Variants in TNFAIP8L3 observed in about 807,000 individuals in gnomAD.
TNFAIP8L3 encodes the protein TNF alpha induced protein 8 like 3.
TNFAIP8L3 carries 7 observed loss-of-function variants against 11.8 expected under a neutral mutation model. The observed-to-expected ratio is 0.59, with a 90% CI of 0.34 to 1.11. The LOEUF is 1.11. Among genes scored for constraint, TNFAIP8L3 ranks in the 50% most tolerant of loss-of-function variants. The pLI is 0.03. For missense variants in TNFAIP8L3, 219 were observed against 258.6 expected, an observed-to-expected ratio of 0.85 and a Z score of 1.05; for synonymous variants, 98 against 103.8, an observed-to-expected ratio of 0.94 and a Z score of 0.34.
At chr15:51,091,399 C>T (rs979486220) in intron 1 of TNFAIP8L3, among the ~76,000 whole-genome samples, 1 of 152,152 alleles carries the variant, frequency 6.6e-6, no homozygotes, top group Middle Eastern at 3.2e-3. Context: ...ATGATGGTTC[C>T]TGCCACCTTG....
At chr15:51,096,118 G>C (rs560689655), upstream of TNFAIP8L3, among the ~76,000 whole-genome samples, 1 of 152,324 alleles carries the variant, frequency 6.6e-6, no homozygotes, top group Admixed American at 6.5e-5. Flanking sequence ...AGGTCGTCCA[G>C]TAGGTGGGTG....
intron 1 of TNFAIP8L3, among the ~76,000 whole-genome samples, chr15:51,062,550 A>G (rs1274253777): frequency 6.6e-6 from 1 of 152,178 alleles, no homozygotes; most frequent in Non-Finnish European, 1.5e-5. Context: ...AACTCTGTAC[A>G]TGTTGTGGAA....
Position 51,066,539 on chromosome 15 carries a change from C to T in TNFAIP8L3, c.53-8096G>A, listed in dbSNP as rs534359350. Reference sequence around the variant, plus strand: ...CCAGAAAAGCTGACTGAACCTGTCACGTCTCTCATGCTCCATCTTTCACTA... The same window carrying T: ...CCAGAAAAGCTGACTGAACCTGTCATGTCTCTCATGCTCCATCTTTCACTA... On this transcript the variant is annotated intron_variant, in intron 1 of 1. Coordinates refer to ENST00000637513, the MANE Select transcript of TNFAIP8L3 (RefSeq NM_001311175.2). Among the ~76,000 whole-genome samples, 7 of 152,294 alleles carry T rather than the reference C, an allele frequency of 4.6e-5. No homozygotes were observed. In the East Asian group the frequency reaches 7.7e-4, roughly 17 times the overall value.
chr15:51,071,047 T>A (rs1181374575), intron 1 of TNFAIP8L3, among the ~76,000 whole-genome samples: 1 of 65,728 alleles, frequency 1.5e-5, no homozygotes, highest in Non-Finnish European at 3.1e-5. Context: ...CGAGACTCCG[T>A]CTCAAAAAAA....
chr15:51,082,946 A>G (rs1862547457), intron 1 of TNFAIP8L3, among the ~76,000 whole-genome samples: 1 of 152,216 alleles, frequency 6.6e-6, no homozygotes, highest in South Asian at 2.1e-4. Flanking sequence ...AGGATAAATC[A>G]TTTTTCATAA....
intron 1 of TNFAIP8L3, among the ~76,000 whole-genome samples, chr15:51,090,316 T>C (rs2065458981): frequency 6.6e-6 from 1 of 152,224 alleles, no homozygotes; most frequent in Admixed American, 6.5e-5. Context: ...CTTGCCTTAG[T>C]GCCACTACCT....
chr15:51,087,504 CT>C (rs1431094030), intron 1 of TNFAIP8L3, among the ~76,000 whole-genome samples: 1 of 152,188 alleles, frequency 6.6e-6, no homozygotes, highest in Non-Finnish European at 1.5e-5. Flanking sequence ...CTCCATGAAG[CT>C]ACGTATGGCT....
intron 1 of TNFAIP8L3, among the ~76,000 whole-genome samples, chr15:51,076,821 T>G (rs2065353932): frequency 6.6e-6 from 1 of 152,202 alleles, no homozygotes; most frequent in Non-Finnish European, 1.5e-5. Context: ...CTGGGTCTGT[T>G]AAATGAGAAA....
intron 1 of TNFAIP8L3, among the ~76,000 whole-genome samples, chr15:51,072,802 A>G (rs1025645562): frequency 6.6e-6 from 1 of 152,060 alleles, no homozygotes; most frequent in Non-Finnish European, 1.5e-5. Context: ...TTTCAGTACA[A>G]AAACCAAGTT....
In TNFAIP8L3 at chr15:51,084,091, C is replaced by T. The variant is rs190131843; in HGVS notation, c.52+10453G>A. Among the ~76,000 whole-genome samples the T allele has an allele frequency of 2.3e-3, 345 of 152,228 alleles. 5 individuals are homozygous for T. Among genetic ancestry groups the T allele is most frequent in the African/African-American group, 7.8e-3 (324 of 41,538 alleles). On this transcript the variant is annotated intron_variant, in intron 1 of 1. Coordinates refer to ENST00000637513, the MANE Select transcript of TNFAIP8L3 (RefSeq NM_001311175.2). ...TCATCACAGAGTGGTTTATTTTGCT[C>T]GAGCATTAACAAAAAATCTCAAGTG...
At chr15:51,090,603 G>A (rs1002449877) in intron 1 of TNFAIP8L3, among the ~76,000 whole-genome samples, 1 of 152,154 alleles carries the variant, frequency 6.6e-6, no homozygotes, top group African/African-American at 2.4e-5. Flanking sequence ...CTTCTGGAAT[G>A]TCTTTCCCTT....
chr15:51,102,747 CCTT>C (rs1332706684), intron 1 of TNFAIP8L3, among the ~76,000 whole-genome samples: 6 of 152,110 alleles, frequency 3.9e-5, no homozygotes, highest in Non-Finnish European at 8.8e-5. Flanking sequence ...CCTTTATAGC[CCTT>C]CTACTCCAGC....
rs116224407 is a variant in TNFAIP8L3, at chr15:51,067,220, G to A, written c.53-8777C>T. ...AGATGATTTAGAAGGGTTAGGGAAT[G>A]GATTTTTCAGACTCAGGGTTAACTT... On this transcript the variant is annotated intron_variant, in intron 1 of 1. Transcript: ENST00000637513. Among the ~76,000 whole-genome samples the A allele has an allele frequency of 4.5e-3, 679 of 152,318 alleles. 5 individuals are homozygous for A. The highest frequency in any genetic ancestry group is 0.015 in the African/African-American group (635 of 41,572).
intron 1 of TNFAIP8L3, among the ~76,000 whole-genome samples, chr15:51,090,503 C>T (rs911553840): frequency 6.6e-6 from 1 of 152,188 alleles, no homozygotes; most frequent in Non-Finnish European, 1.5e-5. Flanking sequence ...TCCCTGTACT[C>T]GCTTAGCTTT....
upstream of TNFAIP8L3, among the ~76,000 whole-genome samples, chr15:51,098,069 G>A (rs565745574): frequency 3.3e-5 from 5 of 152,308 alleles, no homozygotes; most frequent in South Asian, 1.0e-3. Context: ...TAACTAGAGT[G>A]AACAAAATTG....
At chr15:51,097,314 A>G (rs2065520085), upstream of TNFAIP8L3, among the ~76,000 whole-genome samples, 1 of 152,208 alleles carries the variant, frequency 6.6e-6, no homozygotes, top group Non-Finnish European at 1.5e-5. Context: ...ATGTACTGAG[A>G]ACACACATTT....
chr15:51,068,917 G>A (rs902293422), intron 1 of TNFAIP8L3, among the ~76,000 whole-genome samples: 1 of 151,896 alleles, frequency 6.6e-6, no homozygotes, highest in Admixed American at 6.6e-5. Flanking sequence ...CCGCCCCCTC[G>A]GCCTCCCAAA....
At chr15:51,074,392 C>T (rs938088057) in intron 1 of TNFAIP8L3, among the ~76,000 whole-genome samples, 1 of 152,226 alleles carries the variant, frequency 6.6e-6, no homozygotes, top group Non-Finnish European at 1.5e-5. Context: ...AAACTGTTTC[C>T]AGTTTTTGCT....
intron 1 of TNFAIP8L3, among the ~76,000 whole-genome samples, chr15:51,101,945 C>CAAAAAAAAA (rs11297566): frequency 1.2e-5 from 1 of 85,688 alleles, no homozygotes; most frequent in Non-Finnish European, 2.3e-5. Flanking sequence ...GACTCTGTCT[C>CAAAAAAAAA]AAAAAAAAAA....
Sources: allele counts gnomAD v4.1 joint callset (sites outside exome capture counted in the v4.1 genomes callset), GRCh38; gene constraint gnomAD v4.1.1; transcripts MANE v1.5; gene names NCBI Gene and HGNC (gene_info 2026-07-23, HGNC 2026-07-21).